Variants in UBTD1 observed in about 807,000 individuals in gnomAD.
UBTD1 encodes ubiquitin domain-containing protein 1.
In UBTD1, 19 loss-of-function variants were observed where a neutral mutation model predicts 21.7. That is an observed-to-expected ratio of 0.87 (90% CI 0.61 to 1.28). UBTD1 has a LOEUF of 1.28. Among genes scored for constraint, UBTD1 ranks in the 50% most tolerant of loss-of-function variants. UBTD1 has a pLI of 0.00. For synonymous variants in UBTD1, 116 were observed against 135.1 expected (o/e 0.86, Z 0.98); for missense variants, 282 against 315.1 (o/e 0.89, Z 0.80).
intron 1 of UBTD1, among the ~76,000 whole-genome samples, chr10:97,539,866 C>G (rs2040579636): frequency 6.6e-6 from 1 of 152,144 alleles, no homozygotes; most frequent in Non-Finnish European, 1.5e-5. Flanking sequence ...GCTCTGTCAC[C>G]GTTAGCTCCC....
chr10:97,531,673 C>A (rs1239147141), intron 1 of UBTD1, among the ~76,000 whole-genome samples: 3 of 152,194 alleles, frequency 2.0e-5, no homozygotes, highest in Non-Finnish European at 4.4e-5. Flanking sequence ...GTTAGTCCCC[C>A]AGGGGCGATT....
intron 1 of UBTD1, among the ~76,000 whole-genome samples, chr10:97,566,679 C>A (rs902426482): frequency 5.3e-5 from 8 of 152,216 alleles, no homozygotes; most frequent in Non-Finnish European, 7.3e-5. Context: ...CAGCGGAGAT[C>A]GCTGCCTGCA....
At chr10:97,528,060 GC>G in intron 1 of UBTD1, among the ~76,000 whole-genome samples, 1 of 142,540 alleles carries the variant, frequency 7.0e-6, no homozygotes, top group African/African-American at 2.6e-5. Context: ...GGACGGGGCG[GC>G]TGGCTGGGCG....
chr10:97,507,191 AT>A (rs112775790), intron 1 of UBTD1, among the ~76,000 whole-genome samples: 88 of 152,236 alleles, frequency 5.8e-4, no homozygotes, highest in African/African-American at 2.1e-3. Context: ...AACAGTTGTT[AT>A]TTTCTGCTTT....
At chr10:97,511,394 A>C (rs1392607627) in intron 1 of UBTD1, among the ~76,000 whole-genome samples, 1 of 152,170 alleles carries the variant, frequency 6.6e-6, no homozygotes, top group Non-Finnish European at 1.5e-5. Flanking sequence ...CCTTCCATGC[A>C]ATACCCACCT....
intron 1 of UBTD1, among the ~76,000 whole-genome samples, chr10:97,514,785 G>A (rs1336792703): frequency 1.3e-5 from 2 of 152,152 alleles, no homozygotes; most frequent in Non-Finnish European, 2.9e-5. Flanking sequence ...CCCTTTCTGG[G>A]GTAAGCTTAC....
intron 1 of UBTD1, among the ~76,000 whole-genome samples, chr10:97,514,277 A>G (rs1245199444): frequency 6.6e-6 from 1 of 152,062 alleles, no homozygotes; most frequent in African/African-American, 2.4e-5. Flanking sequence ...TCTCAGGTTT[A>G]CCATTCTCCA....
At chr10:97,532,667 G>A (rs1044162646) in intron 1 of UBTD1, among the ~76,000 whole-genome samples, 3 of 152,174 alleles carry the variant, frequency 2.0e-5, no homozygotes, top group Non-Finnish European at 2.9e-5. Context: ...GCGGGCACCT[G>A]TAGTCCCAGC....
At chr10:97,547,348 C>G (rs2040615826) in intron 1 of UBTD1, among the ~76,000 whole-genome samples, 1 of 152,168 alleles carries the variant, frequency 6.6e-6, no homozygotes, top group Non-Finnish European at 1.5e-5. Context: ...GGAGACCTTT[C>G]TAGCAACCTC....
At chr10:97,514,753 C>T (rs1483939285) in intron 1 of UBTD1, among the ~76,000 whole-genome samples, 1 of 152,150 alleles carries the variant, frequency 6.6e-6, no homozygotes, top group Non-Finnish European at 1.5e-5. Flanking sequence ...GAATTTTGCA[C>T]CGTTTTTCAA....
chr10:97,521,034 G>T (rs376937152), intron 1 of UBTD1, among the ~76,000 whole-genome samples: 32 of 152,318 alleles, frequency 2.1e-4, no homozygotes, highest in African/African-American at 7.5e-4. Context: ...AGAGGAGGGA[G>T]ATCTGCTGGG....
chr10:97,536,488 A>C (rs1231692290), intron 1 of UBTD1, among the ~76,000 whole-genome samples: 1 of 152,230 alleles, frequency 6.6e-6, no homozygotes, highest in Non-Finnish European at 1.5e-5. Context: ...TGATTTTAAA[A>C]TGACCCCTGC....
intron 1 of UBTD1, among the ~76,000 whole-genome samples, chr10:97,502,085 A>G (rs759554089): frequency 6.6e-6 from 1 of 152,200 alleles, no homozygotes; most frequent in Non-Finnish European, 1.5e-5. Flanking sequence ...ACACACATTC[A>G]GCACTTAACA....
chr10:97,530,947 G>T (rs1368791717), intron 1 of UBTD1, among the ~76,000 whole-genome samples: 1 of 151,816 alleles, frequency 6.6e-6, no homozygotes, highest in Non-Finnish European at 1.5e-5. Context: ...GAGTGCAGTG[G>T]CGCGATCTCG....
intron 1 of UBTD1, among the ~76,000 whole-genome samples, chr10:97,535,284 C>G (rs2040554691): frequency 6.6e-6 from 1 of 152,168 alleles, no homozygotes; most frequent in African/African-American, 2.4e-5. Flanking sequence ...CTTAGCATTT[C>G]CATTAAACAA....
intron 1 of UBTD1, among the ~76,000 whole-genome samples, chr10:97,504,008 T>G (rs1285787733): frequency 2.6e-5 from 4 of 152,024 alleles, no homozygotes; most frequent in African/African-American, 4.8e-5. Context: ...CCTCCCAAAG[T>G]CTTTCCCATC....
intron 1 of UBTD1, among the ~76,000 whole-genome samples, chr10:97,514,057 C>T (rs775936190): frequency 6.6e-6 from 1 of 150,652 alleles, no homozygotes; most frequent in African/African-American, 2.5e-5. Flanking sequence ...TCTGTTGTGT[C>T]CACCAAGATT....
chr10:97,548,233 A>T (rs1442190365), intron 1 of UBTD1, among the ~76,000 whole-genome samples: 1 of 152,240 alleles, frequency 6.6e-6, no homozygotes, highest in Non-Finnish European at 1.5e-5. Flanking sequence ...TCCATGATCC[A>T]GGTTGCCAGA....
At chr10:97,548,372 A>C (rs543438419) in intron 1 of UBTD1, among the ~76,000 whole-genome samples, 135 of 152,364 alleles carry the variant, frequency 8.9e-4, no homozygotes, top group African/African-American at 3.2e-3. Context: ...TGTTGACTGC[A>C]GGAAAGGGAC....
Sources: allele counts gnomAD v4.1 joint callset (sites outside exome capture counted in the v4.1 genomes callset), GRCh38; gene constraint gnomAD v4.1.1; transcripts MANE v1.5; gene names NCBI Gene and HGNC (gene_info 2026-07-23, HGNC 2026-07-21).